Variants in ATF4 observed in about 807,000 individuals in gnomAD.
ATF4 encodes cyclic AMP-dependent transcription factor ATF-4.
Under a neutral mutation model 21.0 loss-of-function variants are expected in ATF4, and 8 were observed. The ratio of observed to expected loss-of-function variants is 0.38; its 90% CI spans 0.22 to 0.69. The LOEUF (loss-of-function observed/expected upper bound fraction) is 0.69. Among genes scored for constraint, ATF4 ranks in the 30% least tolerant of loss-of-function variants. The pLI is 0.49. For synonymous variants in ATF4, 241 were observed against 166.4 expected (o/e 1.45, Z -3.45); for missense variants, 549 against 425.9 (o/e 1.29, Z -2.54).
rs1930931753 is a variant in ATF4 at position 39,521,363 on chromosome 22, G to A, written c.-83G>A. ...TCTGATTCTCATTCAGGCTTCTCAC[G>A]GCATTCAGCAGCAGCGTTGCTGTAA... On this transcript the variant is annotated 5_prime_UTR_variant, in exon 2 of 3. Transcript: ENST00000674920. 3.3e-6 allele frequency: 4 copies of A among 1,212,080 alleles called. 1 individual carries two copies. The highest frequency in any genetic ancestry group is 4.6e-6 in the Non-Finnish European group (4 of 861,964). 75.1% of individuals were successfully genotyped at this position (1,212,080 alleles called of 1,614,324 possible). A position where few individuals can be genotyped will look rare whatever the true frequency, so the allele number is the denominator to read the frequency against.
Position 39,522,289 on chromosome 22 carries a change from C to T in ATF4, c.743C>T (p.Ser248Phe), listed in dbSNP as rs1458587915. 2.5e-6 allele frequency: 4 copies of T among 1,609,472 alleles called. No individual in the cohort carries two copies. The highest frequency in any genetic ancestry group is 2.2e-5 in the East Asian group (1 of 44,866). Residue 248 changes from serine to phenylalanine, a missense_variant, in exon 3 of 3, where the codon TCT becomes TTT. Physicochemically the swap from Ser to Phe is radical, Grantham distance 155 (BLOSUM62 -2). Coordinates refer to ENST00000674920, the MANE Select transcript of ATF4 (RefSeq NM_182810.3). ...GGCTCTCCAAATAGGAGCCTCCCAT[C>T]TCCAGGTGTTCTCTGTGGGTCTGCC... ...TRGSPNRSLP[S>F]PGVLCGSARP...
Position 39,521,513 on chromosome 22 carries a change from C to G in ATF4, c.68C>G (p.Ser23Trp). Residue 23 changes from serine (S) to tryptophan (W), a missense_variant, in exon 2 of 3, where the codon TCG becomes TGG. Transcript: ENST00000674920. Reference protein sequence around the residue: ...VGDLMSPFDQSGLGAEESLGL... With the variant: ...VGDLMSPFDQWGLGAEESLGL... ...GACTTGATGTCCCCCTTCGACCAGT[C>G]GGGTTTGGGGGCTGAAGAAAGCCTA... 1 of 1,605,144 alleles carries G rather than the reference C, an allele frequency of 6.2e-7. No homozygotes were observed.
intron 1 of ATF4, 107 bp from the exon 2 acceptor site, chr22:39,521,247 C>G (rs184569610): frequency 2.1e-6 from 1 of 473,982 alleles, no homozygotes. Context: ...GCCCTGTTCC[C>G]GATTCTCTAG....
At position 39,521,428 on chromosome 22, in the gene ATF4, C is replaced by T. The variant is rs746700301; in HGVS notation, c.-18C>T. 2.0e-6 allele frequency: 3 copies of T among 1,518,928 alleles called. No individual in the cohort carries two copies. Among genetic ancestry groups the T allele is most frequent in the African/African-American group, 2.8e-5 (2 of 71,768 alleles). The allele number at this position is 1,518,928 out of a possible 1,614,324, so 94.1% of individuals were successfully genotyped here. ...TTCGAATTAAGCACATTCCTCGATT[C>T]CAGCAAAGCACCGCAACATGACCGA... On this transcript the variant is annotated 5_prime_UTR_variant, in exon 2 of 3. Coordinates refer to ENST00000674920, the MANE Select transcript of ATF4 (RefSeq NM_182810.3).
chr22:39,521,463 C>T lies in ATF4; in HGVS notation c.18C>T (p.Phe6=). 1 of 1,554,956 alleles carries T rather than the reference C, an allele frequency of 6.4e-7. No individual in the cohort carries two copies. Reference sequence around the variant, plus strand: ...ACCGCAACATGACCGAAATGAGCTTCCTGAGCAGCGAGGTGTTGGTGGGGG... The same window carrying T: ...ACCGCAACATGACCGAAATGAGCTTTCTGAGCAGCGAGGTGTTGGTGGGGG... MTEMS[F]LSSEVLVGDL... The change falls in exon 2 of 3, where the codon TTC becomes TTT. Residue 6 remains phenylalanine, a synonymous_variant. Transcript: ENST00000674920.
Position 39,520,592 on chromosome 22 carries a change from T to C in ATF4, c.-252T>C, listed in dbSNP as rs991848904. The C allele has an allele frequency of 6.6e-5, 10 of 152,130 alleles. No individual in the cohort carries two copies. The highest frequency in any genetic ancestry group is 2.4e-4 in the African/African-American group (10 of 41,140). The allele number at this position is 152,130 out of a possible 1,614,324, so 9.4% of individuals were successfully genotyped here. On this transcript the variant is annotated 5_prime_UTR_variant, in exon 1 of 3. Coordinates refer to ENST00000674920, the MANE Select transcript of ATF4 (RefSeq NM_182810.3). ...CTACTTTGCCCGCCCACAGATGTAG[T>C]TTTCTCTGCGCGTGTGCGTTTTCCC... is the stretch of plus-strand genomic sequence containing the variant.
Position 39,521,542 on chromosome 22 carries a change from C to A in ATF4, c.97C>A (p.Leu33Ile). 6.2e-7 allele frequency: 1 copy of A among 1,612,824 alleles called. No individual in the cohort carries two copies. Among genetic ancestry groups the A allele is most frequent in the Non-Finnish European group, 8.5e-7 (1 of 1,179,864 alleles). The stretch of plus-strand genomic sequence containing the variant: ...TTTGGGGGCTGAAGAAAGCCTAGGT[C>A]TCTTAGATGATTACCTGGAGGTGGC... ...SGLGAEESLG[L>I]LDDYLEVAKH... Residue 33 changes from leucine (L) to isoleucine (I), a missense_variant, in exon 2 of 3, where the codon CTC becomes ATC. By Grantham distance (5) the Leu-to-Ile change is conservative. Coordinates refer to ENST00000674920, the MANE Select transcript of ATF4 (RefSeq NM_182810.3).
In ATF4 at chr22:39,522,000, G is replaced by A. The variant is rs544103363; in HGVS notation, c.454G>A (p.Asp152Asn). Reference sequence around the variant, plus strand: ...TCTCCCAGAAAGTTTAACAAAACCCGACCAGGTTGCCCCCTTCACCTTCTT... The same window carrying A: ...TCTCCCAGAAAGTTTAACAAAACCCAACCAGGTTGCCCCCTTCACCTTCTT... ...GHLPESLTKP[D>N]QVAPFTFLQP... The change falls in exon 3 of 3, where the codon GAC (aspartate) becomes AAC (asparagine). Residue 152 changes from aspartate to asparagine, a missense_variant. By Grantham distance (23) the Asp-to-Asn change is conservative (BLOSUM62 1). Transcript: ENST00000674920. 6.2e-7 allele frequency: 1 copy of A among 1,613,402 alleles called. No homozygotes were observed. The highest frequency in any genetic ancestry group is 8.5e-7 in the Non-Finnish European group (1 of 1,179,740).
In ATF4 at chr22:39,521,836, A is replaced by G. The variant is rs1930963993; in HGVS notation, c.290A>G (p.Asp97Gly). Residue 97 changes from aspartate (D) to glycine (G), a missense_variant, in exon 3 of 3, where the codon GAT becomes GGT. Transcript: ENST00000674920. ...EKMDLKEFDL[D>G]ALLGIDDLET... ...ATGGATTTGAAGGAGTTCGACTTGG[A>G]TGCCCTGTTGGGTATAGATGACCTG... is the stretch of plus-strand genomic sequence containing the variant. 1 of 1,614,184 alleles carries G rather than the reference A, an allele frequency of 6.2e-7. No homozygotes were observed. The highest frequency in any genetic ancestry group is 1.1e-5 in the South Asian group (1 of 91,086).
chr22:39,521,309 G>C (rs1343916490), intron 1 of ATF4, 45 bp from the exon 2 acceptor site: 77 of 706,908 alleles, frequency 1.1e-4, no homozygotes, highest in Admixed American at 6.3e-5. Context: ...GAAATTCTCA[G>C]AACAGCTAAC....
At position 39,521,865 on chromosome 22, in the gene ATF4, A is replaced by G; in HGVS notation, c.319A>G (p.Thr107Ala). 1.2e-6 allele frequency: 2 copies of G among 1,614,156 alleles called. No homozygotes were observed. The highest frequency in any genetic ancestry group is 1.7e-6 in the Non-Finnish European group (2 of 1,180,022). ...CCTGTTGGGTATAGATGACCTGGAA[A>G]CCATGCCAGATGACCTTCTGACCAC... Reference protein sequence around the residue: ...DALLGIDDLETMPDDLLTTLD... With the variant: ...DALLGIDDLEAMPDDLLTTLD... The change falls in exon 3 of 3, where the codon ACC becomes GCC. Residue 107 changes from threonine (T) to alanine (A), a missense_variant. By Grantham distance (58) the Thr-to-Ala change is moderately conservative (BLOSUM62 0). Transcript: ENST00000674920.
rs774745103 is a variant in ATF4, at chr22:39,522,054, C to T, written c.508C>T (p.Leu170=). The T allele has an allele frequency of 5.0e-6, 8 of 1,613,872 alleles. No individual in the cohort carries two copies. In the South Asian group the frequency reaches 7.7e-5, roughly 16 times the overall value. The change falls in exon 3 of 3, where the codon CTG becomes TTG. Residue 170 remains leucine, a synonymous_variant. Transcript: ENST00000674920. ...ACCTCTTCCCCTTTCCCCAGGGGTC[C>T]TGTCCTCCACTCCAGATCATTCCTT... The part of the protein sequence containing the change: ...LQPLPLSPGV[L]SSTPDHSFSL...
Position 39,522,243 on chromosome 22 carries a change from C to CTA in ATF4, c.697_698insTA (p.Gln233LeufsTer38). ...CCCAGAGTCCTATCTGGGGTCTCCTCAGCACAGCCCCTCTACCAGGGGCTC... is the reference window on the plus strand; with the variant it reads ...CCCAGAGTCCTATCTGGGGTCTCCTCTAAGCACAGCCCCTCTACCAGGGGCTC... On this transcript the variant is annotated frameshift_variant, in exon 3 of 3. Transcript: ENST00000674920. LOFTEE classifies it high-confidence loss of function. The CTA allele has an allele frequency of 6.2e-7, 1 of 1,608,514 alleles. No homozygotes were observed. The highest frequency in any genetic ancestry group is 1.3e-5 in the African/African-American group (1 of 74,568).
rs1930951901 is a variant in ATF4, at chr22:39,521,649, C to T, written c.204C>T (p.Val68=). The change falls in exon 2 of 3, where the codon GTC becomes GTT. Residue 68 remains valine (V), a synonymous_variant. Coordinates refer to ENST00000674920, the MANE Select transcript of ATF4 (RefSeq NM_182810.3). ...SSEWLAVDGL[V]SPSNNSKEDA... is the part of the protein sequence containing the mutation. ...AATGGCTGGCTGTGGATGGGTTGGT[C>T]AGTCCCTCCAACAACAGCAAGGGTG... 6 of 1,613,862 alleles carry T rather than the reference C, an allele frequency of 3.7e-6. No homozygotes were observed. The highest frequency in any genetic ancestry group is 1.3e-5 in the African/African-American group (1 of 74,922).
chr22:39,521,712 G>A (rs374864123), intron 2 of ATF4, 41 bp downstream of exon 2: 19 of 1,609,794 alleles, frequency 1.2e-5, no homozygotes, highest in Non-Finnish European at 1.5e-5. Flanking sequence ...GGGATCTAGG[G>A]TTAGGGGCCT....
In ATF4 at chr22:39,522,512, G is replaced by C. The variant is rs1803324; in HGVS notation, c.966G>C (p.Glu322Asp). The change falls in exon 3 of 3, where the codon GAG (glutamate) becomes GAC (aspartate). Residue 322 changes from glutamate to aspartate, a missense_variant. Physicochemically the swap from Glu to Asp is conservative, Grantham distance 45 (BLOSUM62 2). Transcript: ENST00000674920. ...AAAAGAAGAACGAGGCTCTAAAAGAGAGGGCGGATTCCCTGGCCAAGGAGA... is the reference window on the plus strand; with the variant it reads ...AAAAGAAGAACGAGGCTCTAAAAGACAGGGCGGATTCCCTGGCCAAGGAGA... ...ELEKKNEALK[E>D]RADSLAKEIQ... 5.1e-3 allele frequency: 8,168 copies of C among 1,611,444 alleles called. 354 individuals are homozygous for C. The African/African-American group carries it at 0.092, about 18-fold the overall frequency.
rs1453678356 is a variant in ATF4, at chr22:39,522,367, A to G, written c.821A>G (p.Lys274Arg). 5.0e-6 allele frequency: 8 copies of G among 1,612,770 alleles called. No individual in the cohort carries two copies. The Admixed American group carries it at 1.0e-4, about 20-fold the overall frequency. Reference sequence around the variant, plus strand: ...GAGAAGATGGTAGCAGCAAAAGTAAAGGGTGAGAAACTGGATAAGAAGCTG... The same window carrying G: ...GAGAAGATGGTAGCAGCAAAAGTAAGGGGTGAGAAACTGGATAAGAAGCTG... ...PGEKMVAAKV[K>R]GEKLDKKLKK... The change falls in exon 3 of 3, where the codon AAG (lysine) becomes AGG (arginine). Residue 274 changes from lysine to arginine, a missense_variant. By Grantham distance (26) the Lys-to-Arg change is conservative. Coordinates refer to ENST00000674920, the MANE Select transcript of ATF4 (RefSeq NM_182810.3).
At position 39,521,295 on chromosome 22, in the gene ATF4, G is replaced by A. The variant is rs73885241; in HGVS notation, c.-92-59G>A. 1,753 of 629,368 alleles carry A rather than the reference G, an allele frequency of 2.8e-3. 25 individuals carry two copies. The African/African-American group carries it at 0.03, about 11-fold the overall frequency. The allele number at this position is 629,368 out of a possible 1,614,324, so 39.0% of individuals were successfully genotyped here. A position where few individuals can be genotyped will look rare whatever the true frequency, so the allele number is the denominator to read the frequency against. ...GAGAAGTCCCGCCTCATAAGTGGAA[G>A]GATGAAATTCTCAGAACAGCTAACC... On this transcript the variant is annotated intron_variant, in intron 1 of 2. Coordinates refer to ENST00000674920, the MANE Select transcript of ATF4 (RefSeq NM_182810.3).
chr22:39,522,619 G>T lies in ATF4; in HGVS notation c.*17G>T, dbSNP rs755371414. ...GTCCCCTAGTTGAGGATAGTCAGGA[G>T]CGTCAATGTGCTTGTACATAGAGTG... On this transcript the variant is annotated 3_prime_UTR_variant, in exon 3 of 3. Coordinates refer to ENST00000674920, the MANE Select transcript of ATF4 (RefSeq NM_182810.3). 1 of 1,517,134 alleles carries T rather than the reference G, an allele frequency of 6.6e-7. No individual in the cohort carries two copies. Among genetic ancestry groups the T allele is most frequent in the South Asian group, 1.3e-5 (1 of 74,128 alleles). The allele number at this position is 1,517,134 out of a possible 1,614,324, so 94.0% of individuals were successfully genotyped here.
Sources: gnomAD v4.1 joint callset for allele counts on GRCh38, gnomAD v4.1.1 for gene constraint, MANE v1.5 for transcripts, NCBI Gene and HGNC (gene_info 2026-07-23, HGNC 2026-07-21) for gene names.